Variants in DECR1 observed in about 807,000 individuals in gnomAD.
The protein encoded by DECR1 is 2,4-dienoyl-CoA reductase 1, also known as 2,4-dienoyl-CoA reductase [(3E)-enoyl-CoA-producing], mitochondrial.
DECR1 carries 44 observed loss-of-function variants against 38.8 expected under a neutral mutation model. That is an observed-to-expected ratio of 1.13 (90% CI 0.89 to 1.46). The LOEUF is 1.46. Ranked by LOEUF, DECR1 falls within the 40% of genes most tolerant of loss-of-function variation. The pLI, the probability that DECR1 is intolerant of heterozygous loss-of-function variation, is 0.00. For synonymous variants in DECR1, 148 were observed against 135.2 expected (o/e 1.09, Z -0.66); for missense variants, 428 against 405.5 (o/e 1.06, Z -0.48).
chr8:90,045,452 G>C (rs1206145206), intron 8 of DECR1, among the ~76,000 whole-genome samples: 1 of 152,148 alleles, frequency 6.6e-6, no homozygotes, highest in African/African-American at 2.4e-5. Flanking sequence ...GTCTGAAATA[G>C]AACTGCAGGG....
intron 6 of DECR1, among the ~76,000 whole-genome samples, chr8:90,040,117 C>T (rs969554855): frequency 2.0e-5 from 3 of 152,148 alleles, no homozygotes; most frequent in Admixed American, 6.6e-5. Context: ...TTCCTCTAGG[C>T]AGATTTTCTT....
intron 1 of DECR1, among the ~76,000 whole-genome samples, chr8:90,002,365 GA>G (rs1161189690): frequency 2.0e-5 from 3 of 152,080 alleles, no homozygotes; most frequent in Admixed American, 1.3e-4. Flanking sequence ...GTATAGCTGG[GA>G]GAGGTCCGTC....
chr8:90,043,221 A>T (rs554516865), intron 7 of DECR1, among the ~76,000 whole-genome samples: 1 of 152,234 alleles, frequency 6.6e-6, no homozygotes, highest in East Asian at 1.9e-4. Flanking sequence ...AACTTATTAT[A>T]TAGGCTTTGT....
At position 90,007,337 on chromosome 8, in the gene DECR1, G is replaced by GT. The variant is rs149272728; in HGVS notation, c.69+5777dup. 7.5e-3 allele frequency among the ~76,000 whole-genome samples: 1,139 copies of GT among 152,284 alleles called. 14 individuals carry two copies. The highest frequency in any genetic ancestry group is 0.026 in the African/African-American group (1,072 of 41,556). On this transcript the variant is annotated intron_variant, in intron 1 of 9. Coordinates refer to ENST00000220764, the MANE Select transcript of DECR1 (RefSeq NM_001359.2). ...CCCTTAGAAGATCTTAAGAAGAGAAGTAACATGATCCCATTAGCAGTCCTC... is the reference window on the plus strand; with the variant it reads ...CCCTTAGAAGATCTTAAGAAGAGAAGTTAACATGATCCCATTAGCAGTCCTC...
intron 5 of DECR1, among the ~76,000 whole-genome samples, chr8:90,029,739 T>A (rs568113484): frequency 2.0e-4 from 31 of 152,304 alleles, no homozygotes; most frequent in Admixed American, 8.5e-4. Flanking sequence ...AAAACATTCC[T>A]TTTTCCAACC....
At chr8:90,042,609 C>A (rs1295718512) in intron 6 of DECR1, 119 bp from the exon 7 acceptor site, 5 of 798,880 alleles carry the variant, frequency 6.3e-6, no homozygotes, top group Admixed American at 3.7e-5. Flanking sequence ...AATAATAGTA[C>A]CTACCTGTTG....
rs559137210 is a variant in DECR1 at position 90,051,816 on chromosome 8, A to G, written c.949-22A>G. 6.2e-6 allele frequency: 10 copies of G among 1,613,626 alleles called. No individual in the cohort carries two copies. The East Asian group carries it at 2.2e-4, about 36-fold the overall frequency. On this transcript the variant is annotated intron_variant, in intron 9 of 9. Transcript: ENST00000220764. ...TAAAAACATGTAAAAAGGACATTAAATTGACATCTTTTTTGTGTTAGGTCA... is the reference window on the plus strand; with the variant it reads ...TAAAAACATGTAAAAAGGACATTAAGTTGACATCTTTTTTGTGTTAGGTCA...
At chr8:90,018,802 C>G (rs755961415) in intron 2 of DECR1, 107 bp from the exon 3 acceptor site, 1 of 886,596 alleles carries the variant, frequency 1.1e-6, no homozygotes, top group South Asian at 1.5e-5. Flanking sequence ...TAAATAACAT[C>G]TATACTTTCT....
chr8:90,031,633 C>G (rs1011022311), intron 5 of DECR1, among the ~76,000 whole-genome samples: 2 of 152,080 alleles, frequency 1.3e-5, no homozygotes, highest in Admixed American at 6.6e-5. Flanking sequence ...CATATGGGCT[C>G]TCATTGAAAA....
intron 5 of DECR1, among the ~76,000 whole-genome samples, chr8:90,027,490 T>C (rs989130351): frequency 1.3e-5 from 2 of 152,034 alleles, no homozygotes; most frequent in Non-Finnish European, 2.9e-5. Flanking sequence ...CCTTTCTCTC[T>C]TCTGATCTTT....
At chr8:90,011,766 C>T (rs1442560237) in intron 1 of DECR1, among the ~76,000 whole-genome samples, 1 of 152,124 alleles carries the variant, frequency 6.6e-6, no homozygotes, top group East Asian at 1.9e-4. Flanking sequence ...AGCTCCTTCT[C>T]CCCCTGCTTC....
chr8:90,039,555 G>T (rs1813698347), intron 6 of DECR1, among the ~76,000 whole-genome samples: 1 of 152,186 alleles, frequency 6.6e-6, no homozygotes, highest in Admixed American at 6.5e-5. Flanking sequence ...TTCAGAGTGA[G>T]ATTTGGGTGG....
chr8:90,010,845 A>G (rs1396098779), intron 1 of DECR1, among the ~76,000 whole-genome samples: 2 of 152,204 alleles, frequency 1.3e-5, no homozygotes, highest in Non-Finnish European at 2.9e-5. Context: ...CTTATCATGA[A>G]ATTGATTCTA....
chr8:90,036,908 T>C lies in DECR1; in HGVS notation c.633T>C (p.Ala211=). ...ETGSGFVVPS[A]SAKAGVEAMS... is the part of the protein sequence containing the mutation. ...GTTCAGGTTTTGTAGTACCAAGTGC[T>C]TCTGCCAAAGCAGGTGTGGAAGCCA... The change falls in exon 6 of 10, where the codon GCT becomes GCC. Residue 211 remains alanine (A), a synonymous_variant. Transcript: ENST00000220764. The C allele has an allele frequency of 6.2e-7, 1 of 1,613,468 alleles. No homozygotes were observed. Among genetic ancestry groups the C allele is most frequent in the Non-Finnish European group, 8.5e-7 (1 of 1,179,680 alleles).
chr8:90,041,374 T>C (rs1343823667), intron 6 of DECR1, among the ~76,000 whole-genome samples: 1 of 152,166 alleles, frequency 6.6e-6, no homozygotes, highest in Non-Finnish European at 1.5e-5. Flanking sequence ...AGATTCTGGA[T>C]ATTAGCCATT....
intron 8 of DECR1, 59 bp from the exon 9 acceptor site, chr8:90,051,618 T>C: frequency 1.5e-6 from 2 of 1,373,868 alleles, no homozygotes; most frequent in Non-Finnish European, 2.1e-6. Flanking sequence ...AAATGGCTAG[T>C]GGTTCAGAAA....
intron 5 of DECR1, among the ~76,000 whole-genome samples, chr8:90,026,517 G>A (rs1036009025): frequency 1.3e-5 from 2 of 152,154 alleles, no homozygotes; most frequent in Admixed American, 6.5e-5. Flanking sequence ...GTGTAGAGGT[G>A]TTTATAGTAT....
chr8:90,003,420 C>G (rs1179996328), intron 1 of DECR1, among the ~76,000 whole-genome samples: 1 of 152,060 alleles, frequency 6.6e-6, no homozygotes, highest in Admixed American at 6.5e-5. Flanking sequence ...TGGCCCTGTG[C>G]TATGCCCTGG....
At chr8:90,007,908 A>G (rs1812784163) in intron 1 of DECR1, among the ~76,000 whole-genome samples, 1 of 152,224 alleles carries the variant, frequency 6.6e-6, no homozygotes, top group African/African-American at 2.4e-5. Context: ...GGGTAATGAT[A>G]AGTAAGTCTA....
Sources: gnomAD v4.1 joint callset for allele counts (sites outside exome capture counted in the v4.1 genomes callset) on GRCh38, gnomAD v4.1.1 for gene constraint, MANE v1.5 for transcripts, NCBI Gene and HGNC (gene_info 2026-07-23, HGNC 2026-07-21) for gene names.